PIWIL2: variants seen among roughly 807,000 people sequenced by gnomAD.
PIWIL2 encodes the protein piwi like RNA-mediated gene silencing 2.
PIWIL2 carries 81 observed loss-of-function variants against 116.5 expected under a neutral mutation model. That is an observed-to-expected ratio of 0.70 (90% CI 0.58 to 0.84). The LOEUF is 0.84. Among genes scored for constraint, PIWIL2 ranks in the 40% least tolerant of loss-of-function variants. The probability of loss-of-function intolerance (pLI) is 0.00; values close to 1 mark genes in which losing one functional copy is unlikely to be tolerated. For synonymous variants in PIWIL2, 489 were observed against 429.5 expected, an observed-to-expected ratio of 1.14 and a Z score of -1.71; for missense variants, 1,272 against 1,212.3, an observed-to-expected ratio of 1.05 and a Z score of -0.73.
At chr8:22,320,709 G>A (rs999601054) in intron 20 of PIWIL2, among the ~76,000 whole-genome samples, 2 of 152,060 alleles carry the variant, frequency 1.3e-5, no homozygotes, top group African/African-American at 4.8e-5. Flanking sequence ...TCCTGCCTCA[G>A]CCTCCCATGT....
At chr8:22,287,754 G>A in intron 7 of PIWIL2, 109 bp downstream of exon 7, 1 of 733,122 alleles carries the variant, frequency 1.4e-6, no homozygotes, top group South Asian at 1.5e-5. Context: ...GCCCAGACTG[G>A]TCTCGAATTC....
At chr8:22,304,272 G>A (rs1470985940) in intron 11 of PIWIL2, 63 bp downstream of exon 11, 5 of 1,061,734 alleles carry the variant, frequency 4.7e-6, no homozygotes, top group Non-Finnish European at 7.1e-6. Flanking sequence ...ACGTTCTCCA[G>A]CAGATATTGA....
At chr8:22,282,524 C>T (rs955073983) in intron 4 of PIWIL2, among the ~76,000 whole-genome samples, 3 of 151,866 alleles carry the variant, frequency 2.0e-5, no homozygotes, top group Admixed American at 2.0e-4. Context: ...CAAACTTTCT[C>T]CTCTATTCTG....
intron 20 of PIWIL2, among the ~76,000 whole-genome samples, chr8:22,348,985 A>G (rs1312701231): frequency 7.2e-5 from 11 of 152,030 alleles, no homozygotes; most frequent in African/African-American, 2.7e-4. Flanking sequence ...TTAGTTGGCA[A>G]ATGTTAAAGA....
chr8:22,288,721 T>A, intron 8 of PIWIL2, 55 bp downstream of exon 8: 1 of 1,487,146 alleles, frequency 6.7e-7, no homozygotes, highest in Non-Finnish European at 9.2e-7. Flanking sequence ...GTATTTACAG[T>A]AATGTTCTTC....
At chr8:22,296,112 G>A (rs1342450750) in intron 10 of PIWIL2, among the ~76,000 whole-genome samples, 2 of 146,982 alleles carry the variant, frequency 1.4e-5, no homozygotes, top group Non-Finnish European at 3.0e-5. Flanking sequence ...CTAGAGTGCA[G>A]TGGTGCGATC....
rs111468559 is a variant in PIWIL2 at position 22,295,558 on chromosome 8, C to G, written c.1181+5212C>G. Reference sequence around the variant, plus strand: ...AGAAGGCCTGTGTCAGGCATTACCCCGTTATGTCACACATGGACCCTCTCA... The same window carrying G: ...AGAAGGCCTGTGTCAGGCATTACCCGGTTATGTCACACATGGACCCTCTCA... On this transcript the variant is annotated intron_variant, in intron 10 of 22. Transcript: ENST00000356766. Among the ~76,000 whole-genome samples the G allele has an allele frequency of 2.4e-4, 36 of 152,040 alleles. 1 individual carries two copies. The highest frequency in any genetic ancestry group is 3.4e-3 in the Middle Eastern group (1 of 294).
chr8:22,327,024 C>CTT (rs71544876), intron 20 of PIWIL2, among the ~76,000 whole-genome samples: 7,853 of 105,378 alleles, frequency 0.075, 1,034 homozygotes, highest in African/African-American at 0.21. Flanking sequence ...TGTTTTTTTA[C>CTT]TTTTTTTTTT....
At chr8:22,311,408 C>G (rs1700370987) in intron 16 of PIWIL2, 108 bp downstream of exon 16, 1 of 861,820 alleles carries the variant, frequency 1.2e-6, no homozygotes, top group Non-Finnish European at 1.8e-6. Context: ...TGCCCTAGAA[C>G]TTGTCTTACC....
At chr8:22,329,007 T>C (rs1376332984) in intron 20 of PIWIL2, among the ~76,000 whole-genome samples, 2 of 152,086 alleles carry the variant, frequency 1.3e-5, no homozygotes, top group Non-Finnish European at 2.9e-5. Context: ...TGGTATTGAA[T>C]AGCAGTGCTA....
intron 10 of PIWIL2, among the ~76,000 whole-genome samples, chr8:22,299,191 T>C (rs1466374994): frequency 2.6e-5 from 4 of 152,134 alleles, no homozygotes; most frequent in African/African-American, 9.7e-5. Context: ...TAACCTGTTT[T>C]TTTAATGATC....
chr8:22,296,203 G>T (rs908699465), intron 10 of PIWIL2, among the ~76,000 whole-genome samples: 18 of 151,888 alleles, frequency 1.2e-4, no homozygotes, highest in African/African-American at 4.4e-4. Context: ...CTACAGGCGT[G>T]CGCCACCACG....
chr8:22,312,918 G>C (rs1350140290), intron 16 of PIWIL2, among the ~76,000 whole-genome samples: 1 of 152,140 alleles, frequency 6.6e-6, no homozygotes, highest in Non-Finnish European at 1.5e-5. Flanking sequence ...TGGGATTACA[G>C]GTGTGAGCCA....
intron 20 of PIWIL2, among the ~76,000 whole-genome samples, chr8:22,345,673 A>G (rs976352626): frequency 6.6e-6 from 1 of 152,086 alleles, no homozygotes; most frequent in Non-Finnish European, 1.5e-5. Flanking sequence ...CAAAAATATA[A>G]TGAAATAATT....
intron 20 of PIWIL2, among the ~76,000 whole-genome samples, chr8:22,339,601 C>T (rs958088250): frequency 2.0e-5 from 3 of 152,084 alleles, no homozygotes; most frequent in African/African-American, 7.2e-5. Context: ...AGATATGACG[C>T]TGGAAGCAAA....
chr8:22,317,961 A>G (rs369944729), intron 19 of PIWIL2, among the ~76,000 whole-genome samples: 3 of 152,182 alleles, frequency 2.0e-5, no homozygotes, highest in South Asian at 2.1e-4. Flanking sequence ...GCGCTCTGCC[A>G]CAATTACACG....
At chr8:22,338,403 A>T (rs1473349469) in intron 20 of PIWIL2, among the ~76,000 whole-genome samples, 1 of 152,176 alleles carries the variant, frequency 6.6e-6, no homozygotes, top group African/African-American at 2.4e-5. Flanking sequence ...AATTAAAAAC[A>T]TTAATGGCCA....
intron 17 of PIWIL2, 91 bp downstream of exon 17, chr8:22,314,520 G>A (rs1586570181): frequency 3.5e-6 from 2 of 564,798 alleles, no homozygotes; most frequent in East Asian, 6.2e-5. Flanking sequence ...AAAGACTAAA[G>A]TAGCTGTTAG....
At chr8:22,293,910 T>C (rs963027491) in intron 10 of PIWIL2, among the ~76,000 whole-genome samples, 6 of 152,322 alleles carry the variant, frequency 3.9e-5, no homozygotes, top group East Asian at 1.9e-4. Flanking sequence ...CACATACTCT[T>C]TCATTTGATC....
Sources: gnomAD v4.1 joint callset for allele counts (sites outside exome capture counted in the v4.1 genomes callset) on GRCh38, gnomAD v4.1.1 for gene constraint, MANE v1.5 for transcripts, NCBI Gene and HGNC (gene_info 2026-07-23, HGNC 2026-07-21) for gene names.